Variants in DACH1 observed in about 807,000 individuals in gnomAD.
The protein encoded by DACH1 is dachshund family transcription factor 1.
In DACH1, 12 loss-of-function variants were observed where a neutral mutation model predicts 54.2. The ratio of observed to expected loss-of-function variants is 0.22; its 90% CI spans 0.14 to 0.36. The LOEUF (loss-of-function observed/expected upper bound fraction) is 0.36, where lower values mean the gene tolerates loss of function less well. Ranked by LOEUF, DACH1 falls within the 10% of genes least tolerant of loss-of-function variation. The probability of loss-of-function intolerance (pLI) is 1.00; values close to 1 mark genes in which losing one functional copy is unlikely to be tolerated. For synonymous variants in DACH1, 386 were observed against 366.2 expected, an observed-to-expected ratio of 1.05 and a Z score of -0.62; for missense variants, 805 against 929.8, an observed-to-expected ratio of 0.87 and a Z score of 1.75.
chr13:71,726,865 T>C (rs1400855405), intron 1 of DACH1, among the ~76,000 whole-genome samples: 2 of 152,054 alleles, frequency 1.3e-5, no homozygotes, highest in Non-Finnish European at 2.9e-5. Flanking sequence ...AATAACTTTC[T>C]CAGAATTAAA....
At position 71,722,737 on chromosome 13, in the gene DACH1, G is replaced by C. The variant is rs73523477; in HGVS notation, c.849-40827C>G. 7.5e-3 allele frequency among the ~76,000 whole-genome samples: 1,143 copies of C among 152,222 alleles called. 21 individuals carry two copies. The highest frequency in any genetic ancestry group is 0.026 in the African/African-American group (1,082 of 41,540). ...AGTTGAGGAAAGAGCTTTGGATTTGGGGTCAGAAGGTACAGGTTTCAGTTT... is the reference window on the plus strand; with the variant it reads ...AGTTGAGGAAAGAGCTTTGGATTTGCGGTCAGAAGGTACAGGTTTCAGTTT... On this transcript the variant is annotated intron_variant, in intron 1 of 10. Transcript: ENST00000613252.
At chr13:71,733,028 C>G (rs1883820726) in intron 1 of DACH1, among the ~76,000 whole-genome samples, 1 of 152,066 alleles carries the variant, frequency 6.6e-6, no homozygotes, top group Non-Finnish European at 1.5e-5. Context: ...CCCAATTTCA[C>G]CTCCAAACAA....
chr13:71,817,636 C>G (rs1888010944), intron 1 of DACH1, among the ~76,000 whole-genome samples: 1 of 151,916 alleles, frequency 6.6e-6, no homozygotes, highest in South Asian at 2.1e-4. Flanking sequence ...CAAAGATTTC[C>G]TATGGAAAAG....
chr13:71,691,174 T>G (rs1445172003), intron 1 of DACH1, among the ~76,000 whole-genome samples: 1 of 152,196 alleles, frequency 6.6e-6, no homozygotes, highest in Non-Finnish European at 1.5e-5. Flanking sequence ...TTCAGGTTAT[T>G]GTTAATTTGG....
intron 6 of DACH1, among the ~76,000 whole-genome samples, chr13:71,519,883 G>GTGTGTATATATATATATATA (rs552808622): frequency 6.8e-5 from 2 of 29,330 alleles, no homozygotes; most frequent in Non-Finnish European, 2.0e-4. Flanking sequence ...AACCAAAGTA[G>GTGTGTATATATATATATATA]TATATATATA....
At chr13:71,636,792 C>T (rs575846879) in intron 2 of DACH1, among the ~76,000 whole-genome samples, 26 of 152,046 alleles carry the variant, frequency 1.7e-4, no homozygotes, top group African/African-American at 6.3e-4. Context: ...CCTATTGAAT[C>T]TTGACAAACT....
chr13:71,538,816 A>T (rs1314168598), intron 6 of DACH1, among the ~76,000 whole-genome samples: 1 of 152,106 alleles, frequency 6.6e-6, no homozygotes, highest in African/African-American at 2.4e-5. Context: ...AAATAAACAC[A>T]AGATTCAGGG....
In DACH1 at chr13:71,630,695, T is replaced by G; in HGVS notation, c.987A>C (p.Ala329=). The G allele has an allele frequency of 6.3e-7, 1 of 1,590,186 alleles. No homozygotes were observed. Among genetic ancestry groups the G allele is most frequent in the South Asian group, 1.2e-5 (1 of 86,572 alleles). The change falls in exon 3 of 11, where the codon GCA becomes GCC. Residue 329 remains alanine, a synonymous_variant. Coordinates refer to ENST00000613252, the MANE Select transcript of DACH1 (RefSeq NM_080759.6). ...PPTGLTAAAA[A]AAAATNAAIA... ...TAGCTGCATTGGTAGCAGCAGCAGCTGCTGCAGCGGCTGCTGTCAGACCTT... is the reference window on the plus strand; with the variant it reads ...TAGCTGCATTGGTAGCAGCAGCAGCGGCTGCAGCGGCTGCTGTCAGACCTT...
chr13:71,564,962 C>T (rs1466057903), intron 4 of DACH1, among the ~76,000 whole-genome samples: 4 of 151,976 alleles, frequency 2.6e-5, no homozygotes, highest in African/African-American at 4.8e-5. Context: ...TGCTCTGTCA[C>T]CCAGGCTAGA....
chr13:71,659,555 T>A (rs1275177100), intron 2 of DACH1, among the ~76,000 whole-genome samples: 2 of 152,068 alleles, frequency 1.3e-5, no homozygotes, highest in Admixed American at 1.3e-4. Flanking sequence ...ATGACAAGAA[T>A]AACCATAAAA....
intron 2 of DACH1, among the ~76,000 whole-genome samples, chr13:71,672,125 T>C (rs138175654): frequency 6.6e-6 from 1 of 152,228 alleles, no homozygotes; most frequent in East Asian, 1.9e-4. Context: ...TAGAGCAAAA[T>C]AGTACTGTTC....
intron 1 of DACH1, among the ~76,000 whole-genome samples, chr13:71,716,896 C>T (rs1425516661): frequency 2.0e-5 from 3 of 152,050 alleles, no homozygotes; most frequent in Non-Finnish European, 4.4e-5. Context: ...ATACATGTGC[C>T]ATGGTGGTTT....
chr13:71,665,436 TA>T (rs1390275760), intron 2 of DACH1, among the ~76,000 whole-genome samples: 1 of 152,016 alleles, frequency 6.6e-6, no homozygotes, highest in Non-Finnish European at 1.5e-5. Context: ...AAAATGTAAC[TA>T]TAAAATATAT....
chr13:71,531,231 T>C (rs1779721259), intron 6 of DACH1, among the ~76,000 whole-genome samples: 1 of 152,128 alleles, frequency 6.6e-6, no homozygotes, highest in African/African-American at 2.4e-5. Context: ...TTTATTTGGA[T>C]TTTATGTCTT....
chr13:71,710,452 TTGTGTG>T (rs71681955), intron 1 of DACH1, among the ~76,000 whole-genome samples: 4,155 of 140,372 alleles, frequency 0.03, 85 homozygotes, highest in African/African-American at 0.059. Context: ...TATGAGGGTT[TTGTGTG>T]TGTGTGTGTG....
intron 1 of DACH1, among the ~76,000 whole-genome samples, chr13:71,759,222 AG>A (rs1885298268): frequency 6.6e-6 from 1 of 152,076 alleles, no homozygotes; most frequent in Non-Finnish European, 1.5e-5. Context: ...TAAAAAAAAA[AG>A]ATAGGCATTT....
intron 6 of DACH1, among the ~76,000 whole-genome samples, chr13:71,527,157 C>G (rs1882029675): frequency 6.6e-6 from 1 of 151,494 alleles, no homozygotes; most frequent in South Asian, 2.1e-4. Context: ...AATATTATTT[C>G]AATTATTTAA....
chr13:71,799,673 A>C (rs1887210448), intron 1 of DACH1, among the ~76,000 whole-genome samples: 1 of 152,254 alleles, frequency 6.6e-6, no homozygotes, highest in East Asian at 1.9e-4. Context: ...TTCCCAACTA[A>C]GTAGAAGTGG....
intron 1 of DACH1, among the ~76,000 whole-genome samples, chr13:71,824,779 T>G (rs932376459): frequency 6.6e-6 from 1 of 152,066 alleles, no homozygotes; most frequent in Non-Finnish European, 1.5e-5. Context: ...GAATTTGTCC[T>G]AAAATATTTC....
Sources: gnomAD v4.1 joint callset for allele counts (sites outside exome capture counted in the v4.1 genomes callset) on GRCh38, gnomAD v4.1.1 for gene constraint, MANE v1.5 for transcripts, NCBI Gene and HGNC (gene_info 2026-07-23, HGNC 2026-07-21) for gene names.